FXR1: variants seen among roughly 807,000 people sequenced by gnomAD.
FXR1 encodes FMR1 autosomal homolog 1, also known as RNA-binding protein FXR1.
In FXR1, 15 loss-of-function variants were observed where a neutral mutation model predicts 84.0. That is an observed-to-expected ratio of 0.18 (90% confidence interval 0.12 to 0.27). The LOEUF (loss-of-function observed/expected upper bound fraction) is 0.27. Ranked by LOEUF, FXR1 falls within the 10% of genes least tolerant of loss-of-function variation. The pLI, the probability that FXR1 is intolerant of heterozygous loss-of-function variation, is 1.00. For synonymous variants in FXR1, 245 were observed against 250.7 expected (o/e 0.98, Z 0.21); for missense variants, 480 against 774.4 (o/e 0.62, Z 4.51).
intron 1 of FXR1, among the ~76,000 whole-genome samples, chr3:180,927,180 A>T (rs953710073): frequency 2.0e-5 from 3 of 152,038 alleles, no homozygotes; most frequent in Non-Finnish European, 4.4e-5. Flanking sequence ...AGAGTTTAAA[A>T]CTATATGAAT....
intron 1 of FXR1, among the ~76,000 whole-genome samples, chr3:180,923,443 C>G (rs953866157): frequency 6.6e-6 from 1 of 152,096 alleles, no homozygotes; most frequent in Non-Finnish European, 1.5e-5. Flanking sequence ...TTGTTATACA[C>G]AGTAAGTAGT....
chr3:180,960,060 C>T (rs542001852), intron 10 of FXR1, among the ~76,000 whole-genome samples: 1 of 152,212 alleles, frequency 6.6e-6, no homozygotes, highest in Non-Finnish European at 1.5e-5. Context: ...GCTTTACTCT[C>T]ATTTTTCTCA....
At chr3:180,975,760 T>C (rs1019572619) in intron 16 of FXR1, among the ~76,000 whole-genome samples, 19 of 152,352 alleles carry the variant, frequency 1.2e-4, no homozygotes, top group Admixed American at 1.2e-3. Flanking sequence ...GTATTTGATA[T>C]GTAAATGTGA....
intron 1 of FXR1, among the ~76,000 whole-genome samples, chr3:180,919,365 A>C (rs1425422265): frequency 2.0e-5 from 3 of 149,548 alleles, no homozygotes; most frequent in Admixed American, 6.7e-5. Flanking sequence ...GGTCATTGCA[A>C]CTTCCGCCTC....
intron 1 of FXR1, among the ~76,000 whole-genome samples, chr3:180,930,355 G>A (rs541257958): frequency 1.4e-4 from 22 of 152,254 alleles, no homozygotes; most frequent in East Asian, 9.6e-4. Context: ...TGGTGGAAGC[G>A]TTTGTGGGAA....
chr3:180,970,633 G>T (rs1162518427), intron 15 of FXR1: 1 of 153,266 alleles, frequency 6.5e-6, no homozygotes, highest in Non-Finnish European at 1.4e-5. Flanking sequence ...TATTCAGCTG[G>T]CAAGGTACTT....
At chr3:180,930,330 T>G (rs915770796) in intron 1 of FXR1, among the ~76,000 whole-genome samples, 1 of 152,020 alleles carries the variant, frequency 6.6e-6, no homozygotes, top group Non-Finnish European at 1.5e-5. Context: ...CACTCAAAGT[T>G]GATACTGATG....
At chr3:180,927,624 C>A in intron 1 of FXR1, 1 of 585,880 alleles carries the variant, frequency 1.7e-6, no homozygotes, top group Non-Finnish European at 3.0e-6. Flanking sequence ...AAGCAGATAT[C>A]CTGTGTACTT....
At chr3:180,921,175 G>T (rs539945685) in intron 1 of FXR1, among the ~76,000 whole-genome samples, 16 of 152,070 alleles carry the variant, frequency 1.1e-4, no homozygotes, top group African/African-American at 3.9e-4. Context: ...TTCGAGACCA[G>T]CCCGGCCAAC....
intron 3 of FXR1, among the ~76,000 whole-genome samples, chr3:180,946,924 C>T (rs569531984): frequency 1.2e-4 from 18 of 152,272 alleles, no homozygotes; most frequent in Middle Eastern, 3.4e-3. Context: ...AAATATAATA[C>T]GTTAAAGAAG....
At chr3:180,971,128 A>C in intron 15 of FXR1, 1 of 1,277,204 alleles carries the variant, frequency 7.8e-7, no homozygotes, top group Non-Finnish European at 1.0e-6. Flanking sequence ...GCGTCGCTTC[A>C]GGGGTCAGGC....
At chr3:180,936,150 C>G (rs1720501129) in intron 3 of FXR1, among the ~76,000 whole-genome samples, 1 of 152,070 alleles carries the variant, frequency 6.6e-6, no homozygotes, top group Admixed American at 6.6e-5. Flanking sequence ...CTTTGTCCCC[C>G]CAAAATGCTG....
intron 15 of FXR1, among the ~76,000 whole-genome samples, chr3:180,973,665 A>C (rs1234006619): frequency 6.6e-6 from 1 of 152,248 alleles, no homozygotes; most frequent in East Asian, 1.9e-4. Context: ...AAAAGCTTCA[A>C]GATGAGCGTA....
chr3:180,944,687 A>C (rs112145466), intron 3 of FXR1, among the ~76,000 whole-genome samples: 13 of 151,938 alleles, frequency 8.6e-5, no homozygotes, highest in African/African-American at 2.9e-4. Context: ...AAGCAAACAC[A>C]ACTCACTGCA....
At chr3:180,953,326 T>G (rs1722420289) in intron 8 of FXR1, among the ~76,000 whole-genome samples, 1 of 152,188 alleles carries the variant, frequency 6.6e-6, no homozygotes, top group Non-Finnish European at 1.5e-5. Context: ...CAAAAATAGC[T>G]TTTTAAGTCA....
chr3:180,914,169 C>T (rs905544591), intron 1 of FXR1, among the ~76,000 whole-genome samples: 12 of 152,216 alleles, frequency 7.9e-5, no homozygotes, highest in African/African-American at 2.9e-4. Context: ...TTGACGTTCT[C>T]GGTTTAAGAC....
rs1216426612 is a variant in FXR1 at position 180,979,281 on chromosome 3, A to G, written c.*2989A>G. 2.0e-5 allele frequency: 3 copies of G among 152,130 alleles called. No individual in the cohort carries two copies. The highest frequency in any genetic ancestry group is 7.2e-5 in the African/African-American group (3 of 41,442). 9.4% of individuals were successfully genotyped at this position (152,130 alleles called of 1,614,324 possible). A position where few individuals can be genotyped will look rare whatever the true frequency, so the allele number is the denominator to read the frequency against. On this transcript the variant is annotated 3_prime_UTR_variant, in exon 17 of 17. Transcript: ENST00000357559. The stretch of plus-strand genomic sequence containing the variant: ...CTAGTGTTCTCATGGGCTGTTGCCT[A>G]AGGACAGATAAACATGGAAAACAGG...
chr3:180,915,317 A>C, intron 1 of FXR1: 1 of 542,358 alleles, frequency 1.8e-6, no homozygotes, highest in Non-Finnish European at 3.2e-6. Context: ...ATAGCCCCCA[A>C]ATTTCCGTCA....
intron 2 of FXR1, 54 bp from the exon 3 acceptor site, chr3:180,935,084 C>A: frequency 1.1e-5 from 8 of 752,056 alleles, no homozygotes; most frequent in Non-Finnish European, 1.8e-5. Context: ...TATGCAACAC[C>A]AGGCGTAGAC....
Sources: gnomAD v4.1 joint callset for allele counts (sites outside exome capture counted in the v4.1 genomes callset) on GRCh38, gnomAD v4.1.1 for gene constraint, MANE v1.5 for transcripts, NCBI Gene and HGNC (gene_info 2026-07-23, HGNC 2026-07-21) for gene names.